Variants in RAPGEFL1 observed in about 807,000 individuals in gnomAD.
The protein encoded by RAPGEFL1 is Rap guanine nucleotide exchange factor like 1.
Under a neutral mutation model 64.4 loss-of-function variants are expected in RAPGEFL1, and 31 were observed. The observed-to-expected ratio is 0.48, with a 90% CI of 0.36 to 0.65. RAPGEFL1 has a LOEUF of 0.65. Among genes scored for constraint, RAPGEFL1 ranks in the 30% least tolerant of loss-of-function variants. The pLI, the probability that RAPGEFL1 is intolerant of heterozygous loss-of-function variation, is 0.00. For missense variants in RAPGEFL1, 682 were observed against 677.4 expected (o/e 1.01, Z -0.08); for synonymous variants, 331 against 274.1 (o/e 1.21, Z -2.05).
chr17:40,190,895 C>G (rs1396646823), intron 8 of RAPGEFL1, 133 bp downstream of exon 8: 10 of 1,374,214 alleles, frequency 7.3e-6, no homozygotes, highest in Non-Finnish European at 4.9e-6. Flanking sequence ...ATGGCCGTAA[C>G]CTTTGTTCCC....
chr17:40,184,364 A>C lies in RAPGEFL1; in HGVS notation c.735+15A>C, dbSNP rs1989995018. 6.3e-7 allele frequency: 1 copy of C among 1,599,102 alleles called. No homozygotes were observed. The highest frequency in any genetic ancestry group is 1.4e-5 in the African/African-American group (1 of 73,914). On this transcript the variant is annotated intron_variant, in intron 3 of 14. Transcript: ENST00000620260. ...ACATCATCAAGGTGGGCCTGGGGGA[A>C]GAGAAGGTGGGTAAACAGGCTATTA...
rs989384004 is a variant in RAPGEFL1, at chr17:40,194,643, C to T, written c.*855C>T. 7 of 152,654 alleles carry T rather than the reference C, an allele frequency of 4.6e-5. No homozygotes were observed. The highest frequency in any genetic ancestry group is 1.4e-4 in the African/African-American group (6 of 41,434). The allele number at this position is 152,654 out of a possible 1,614,324, so 9.5% of individuals were successfully genotyped here. A position where few individuals can be genotyped will look rare whatever the true frequency, so the allele number is the denominator to read the frequency against. ...GCTGCCTAGAGGACCCTCCCCCTGC[C>T]TTGCAGTGGGCTCGGGTAGAGCAGT... is the stretch of plus-strand genomic sequence containing the variant. On this transcript the variant is annotated 3_prime_UTR_variant, in exon 15 of 15. Coordinates refer to ENST00000620260, the MANE Select transcript of RAPGEFL1 (RefSeq NM_016339.6).
chr17:40,181,586 G>A (rs1278435200), intron 1 of RAPGEFL1, 30 bp from the exon 2 acceptor site: 2 of 701,946 alleles, frequency 2.8e-6, no homozygotes, highest in Non-Finnish European at 5.2e-6. Flanking sequence ...GTGCCCACCT[G>A]ACATCTGTGG....
In RAPGEFL1 at chr17:40,194,071, C is replaced by A; in HGVS notation, c.*283C>A. ...CTATGTCCTCCCATCGAGATCTGTT[C>A]TGGGGATGGAGCTTCCAACTTCCTC... On this transcript the variant is annotated 3_prime_UTR_variant, in exon 15 of 15. Transcript: ENST00000620260. 2 of 332,724 alleles carry A rather than the reference C, an allele frequency of 6.0e-6. No homozygotes were observed. The highest frequency in any genetic ancestry group is 1.1e-5 in the Non-Finnish European group (2 of 176,520). The allele number at this position is 332,724 out of a possible 1,614,324, so 20.6% of individuals were successfully genotyped here.
intron 13 of RAPGEFL1, 112 bp downstream of exon 13, chr17:40,193,102 T>A: frequency 9.1e-7 from 1 of 1,101,712 alleles, no homozygotes; most frequent in Non-Finnish European, 1.4e-6. Context: ...CCAGCTTGCC[T>A]AACAGACTCT....
upstream of RAPGEFL1, chr17:40,177,373 GAGTTC>G (rs1165537044): frequency 1.5e-5 from 10 of 679,772 alleles, 1 homozygote; most frequent in Admixed American, 2.0e-4. Context: ...CCCAGCGCGC[GAGTTC>G]AAGCCTCGTG....
In RAPGEFL1 at chr17:40,192,235, A is replaced by T. The variant is rs779002499; in HGVS notation, c.1628A>T (p.Asn543Ile). 12 of 1,613,892 alleles carry T rather than the reference A, an allele frequency of 7.4e-6. No individual in the cohort carries two copies. Residue 543 changes from asparagine to isoleucine, a missense_variant, in exon 11 of 15, where the codon AAC becomes ATC. Physicochemically the swap from Asn to Ile is moderately radical, Grantham distance 149. Transcript: ENST00000620260. ...TWEKLPGKFK[N>I]LFRKFENLTD... Reference sequence around the variant, plus strand: ...CAGAAGCTGCCAGGGAAATTCAAGAACTTGTTTCGCAAATTTGAGAACCTG... The same window carrying T: ...CAGAAGCTGCCAGGGAAATTCAAGATCTTGTTTCGCAAATTTGAGAACCTG...
At chr17:40,183,835 CTTTTTTTTTTTTTTT>C (rs34505274) in intron 2 of RAPGEFL1, among the ~76,000 whole-genome samples, 4 of 56,880 alleles carry the variant, frequency 7.0e-5, no homozygotes, top group Admixed American at 2.2e-4. Context: ...TTTTTTTTGC[CTTTTTTTTTTTTTTT>C]TTTTTTTTTT....
Position 40,190,511 on chromosome 17 carries a change from C to G in RAPGEFL1, c.1192C>G (p.Arg398Gly). Residue 398 changes from arginine to glycine, a missense_variant, in exon 7 of 15, where the codon CGG becomes GGG. Physicochemically the swap from Arg to Gly is moderately radical, Grantham distance 125. Coordinates refer to ENST00000620260, the MANE Select transcript of RAPGEFL1 (RefSeq NM_016339.6). The part of the protein sequence containing the change: ...GINSHLFACT[R>G]DSYEALVPLP... Reference sequence around the variant, plus strand: ...CAACAGCCACCTGTTTGCCTGTACTCGGGACAGCTATGAGGCTCTGGTAAG... The same window carrying G: ...CAACAGCCACCTGTTTGCCTGTACTGGGGACAGCTATGAGGCTCTGGTAAG... 1.9e-6 allele frequency: 3 copies of G among 1,614,128 alleles called. No homozygotes were observed. The highest frequency in any genetic ancestry group is 2.7e-5 in the African/African-American group (2 of 75,014).
Position 40,191,174 on chromosome 17 carries a change from T to C in RAPGEFL1, c.1336-142T>C. The C allele has an allele frequency of 1.4e-6, 1 of 739,306 alleles. No individual in the cohort carries two copies. The highest frequency in any genetic ancestry group is 2.1e-6 in the Non-Finnish European group (1 of 472,722). 45.8% of individuals were successfully genotyped at this position (739,306 alleles called of 1,614,324 possible). The stretch of plus-strand genomic sequence containing the variant: ...CTTTTTCCGCATCTTTGCCGCCTCC[T>C]GTCCTTTCTATTTTTCTATTTTCCA... On this transcript the variant is annotated intron_variant, in intron 8 of 14. Coordinates refer to ENST00000620260, the MANE Select transcript of RAPGEFL1 (RefSeq NM_016339.6). This position sits in a 1 kb window ranked among gnomAD's most constrained non-coding sequence, Gnocchi z 5.1.
intron 1 of RAPGEFL1, among the ~76,000 whole-genome samples, chr17:40,179,084 T>C (rs1989815658): frequency 6.6e-6 from 1 of 151,714 alleles, no homozygotes; most frequent in South Asian, 2.1e-4. Context: ...TTTTTTTCTT[T>C]TGGAGATGTA....
At chr17:40,178,792 G>GTA in intron 1 of RAPGEFL1, among the ~76,000 whole-genome samples, 2 of 152,216 alleles carry the variant, frequency 1.3e-5, no homozygotes, top group African/African-American at 4.8e-5. Context: ...GAAAACCCTG[G>GTA]GGTCCCTGAC....
At chr17:40,192,144 A>G (rs1175442216) in intron 10 of RAPGEFL1, 69 bp from the exon 11 acceptor site, 1 of 1,456,052 alleles carries the variant, frequency 6.9e-7, no homozygotes, top group Non-Finnish European at 9.6e-7. Context: ...GGGAGAATTA[A>G]TCCGAGGCTC....
intron 4 of RAPGEFL1, among the ~76,000 whole-genome samples, chr17:40,186,123 A>G (rs1990063322): frequency 6.7e-6 from 1 of 150,282 alleles, no homozygotes; most frequent in African/African-American, 2.5e-5. Flanking sequence ...AAAATACAAA[A>G]ATTAGCCAGG....
At position 40,188,801 on chromosome 17, in the gene RAPGEFL1, C is replaced by T. The variant is rs1381368880; in HGVS notation, c.834-65C>T. On this transcript the variant is annotated intron_variant, in intron 4 of 14. Transcript: ENST00000620260. ...TTCTGATATTCTTGCTTGATGTTGC[C>T]TGCTTGGTGTTGGTTGTCCATATGC... The T allele has an allele frequency of 2.3e-6, 3 of 1,281,354 alleles. No homozygotes were observed. In the East Asian group the frequency reaches 6.9e-5, roughly 30 times the overall value. The allele number at this position is 1,281,354 out of a possible 1,614,324, so 79.4% of individuals were successfully genotyped here.
At chr17:40,179,872 G>C (rs368439425) in intron 1 of RAPGEFL1, among the ~76,000 whole-genome samples, 1 of 152,298 alleles carries the variant, frequency 6.6e-6, no homozygotes, top group East Asian at 1.9e-4. Flanking sequence ...GGAGCAGGCT[G>C]TAGTTGCCCT....
At chr17:40,186,909 A>T (rs1038919901) in intron 4 of RAPGEFL1, among the ~76,000 whole-genome samples, 2 of 151,600 alleles carry the variant, frequency 1.3e-5, no homozygotes, top group Non-Finnish European at 2.9e-5. Context: ...AAAAAAAAAA[A>T]AGTAGTGAAA....
At chr17:40,183,866 CAG>C (rs1480945900) in intron 2 of RAPGEFL1, among the ~76,000 whole-genome samples, 1 of 70,580 alleles carries the variant, frequency 1.4e-5, no homozygotes, top group African/African-American at 5.9e-5. Context: ...TTTTTTGAGA[CAG>C]AGTCATTCTC....
chr17:40,182,375 G>A (rs556683011), intron 2 of RAPGEFL1, among the ~76,000 whole-genome samples: 8 of 151,596 alleles, frequency 5.3e-5, no homozygotes, highest in Admixed American at 2.6e-4. Flanking sequence ...ACAGTGGTGC[G>A]ACCTTGGCTC....
Sources: allele counts gnomAD v4.1 joint callset (sites outside exome capture counted in the v4.1 genomes callset), GRCh38; gene constraint gnomAD v4.1.1; non-coding constraint Gnocchi (gnomAD v3.1); transcripts MANE v1.5; gene names NCBI Gene and HGNC (gene_info 2026-07-23, HGNC 2026-07-21).